CHN1: variants seen among roughly 807,000 people sequenced by gnomAD.
CHN1 encodes the protein chimerin 1.
Under a neutral mutation model 59.5 loss-of-function variants are expected in CHN1, and 37 were observed. The ratio of observed to expected loss-of-function variants is 0.62; its 90% CI spans 0.48 to 0.82. The LOEUF (loss-of-function observed/expected upper bound fraction) is 0.82. CHN1 is among the 40% of genes least tolerant of loss of function. The pLI is 0.00. For synonymous variants in CHN1, 206 were observed against 200.4 expected, an observed-to-expected ratio of 1.03 and a Z score of -0.24; for missense variants, 469 against 571.0, an observed-to-expected ratio of 0.82 and a Z score of 1.82.
intron 7 of CHN1, among the ~76,000 whole-genome samples, chr2:174,835,894 A>C (rs1686059611): frequency 6.6e-6 from 1 of 152,150 alleles, no homozygotes; most frequent in South Asian, 2.1e-4. Context: ...ATGAGTCTTC[A>C]GTGAGTTTCA....
chr2:174,846,305 A>T, intron 7 of CHN1: 1 of 1,546,340 alleles, frequency 6.5e-7, no homozygotes, highest in Non-Finnish European at 8.7e-7. Context: ...AAAACTACAC[A>T]TACGCATACA....
chr2:174,977,699 T>A (rs921811316), intron 1 of CHN1, among the ~76,000 whole-genome samples: 18 of 152,172 alleles, frequency 1.2e-4, no homozygotes, highest in African/African-American at 4.3e-4. Context: ...ATTCCTAGGA[T>A]GATGGAGTGG....
At chr2:174,959,492 G>A (rs1201546231) in intron 1 of CHN1, among the ~76,000 whole-genome samples, 1 of 152,184 alleles carries the variant, frequency 6.6e-6, no homozygotes. Flanking sequence ...TGCAGAATTA[G>A]TTGCTGAAGG....
intron 1 of CHN1, among the ~76,000 whole-genome samples, chr2:175,004,450 C>T (rs182217657): frequency 2.0e-3 from 311 of 152,218 alleles, no homozygotes; most frequent in African/African-American, 7.4e-3. Context: ...AAAAATTCCC[C>T]AATAGTCCAA....
rs148837668 is a variant in CHN1, at chr2:174,911,434, A to G, written c.260+3624T>C. 2.7e-3 allele frequency among the ~76,000 whole-genome samples: 411 copies of G among 152,248 alleles called. 4 individuals are homozygous for G. Among genetic ancestry groups the G allele is most frequent in the African/African-American group, 9.4e-3 (389 of 41,546 alleles). On this transcript the variant is annotated intron_variant, in intron 5 of 12. Coordinates refer to ENST00000409900, the MANE Select transcript of CHN1 (RefSeq NM_001822.7). The stretch of plus-strand genomic sequence containing the variant: ...CCTGGCTAGCATCTTCTTTTCAACT[A>G]CACACTCTGAACACGCAAATGTCTG...
intron 6 of CHN1, among the ~76,000 whole-genome samples, chr2:174,855,195 TA>T (rs1298768636): frequency 6.6e-6 from 1 of 152,172 alleles, no homozygotes; most frequent in Non-Finnish European, 1.5e-5. Context: ...GGACCTCATG[TA>T]ACATAAAAAG....
intron 5 of CHN1, among the ~76,000 whole-genome samples, chr2:174,884,835 C>T (rs895978094): frequency 6.6e-5 from 10 of 152,010 alleles, no homozygotes; most frequent in Admixed American, 2.0e-4. Context: ...CCTTAAGAAT[C>T]GGTTATTAGT....
chr2:174,964,048 T>A (rs2105429782), intron 1 of CHN1, among the ~76,000 whole-genome samples: 2 of 152,332 alleles, frequency 1.3e-5, no homozygotes, highest in Admixed American at 1.3e-4. Flanking sequence ...AATTTTTTCA[T>A]TTTTTTATAA....
chr2:174,825,496 C>G (rs563594119), intron 7 of CHN1, among the ~76,000 whole-genome samples: 5 of 152,010 alleles, frequency 3.3e-5, no homozygotes, highest in Non-Finnish European at 5.9e-5. Context: ...GAAAGGAATC[C>G]CCAAAGAAGA....
intron 11 of CHN1, among the ~76,000 whole-genome samples, chr2:174,804,142 A>G (rs1684814202): frequency 6.6e-6 from 1 of 152,150 alleles, no homozygotes; most frequent in Admixed American, 6.5e-5. Flanking sequence ...GGGCGTTGCA[A>G]TTTTAAGTGG....
At chr2:174,966,858 T>C (rs1337186937) in intron 1 of CHN1, among the ~76,000 whole-genome samples, 3 of 152,178 alleles carry the variant, frequency 2.0e-5, no homozygotes, top group Admixed American at 2.0e-4. Context: ...CAAGATGATG[T>C]TTAATTCCTG....
At chr2:174,969,201 C>G (rs1233441190) in intron 1 of CHN1, among the ~76,000 whole-genome samples, 1 of 152,122 alleles carries the variant, frequency 6.6e-6, no homozygotes. Flanking sequence ...TCAGAATATG[C>G]CACTCTTCTG....
chr2:174,905,131 G>C (rs1362383092), intron 5 of CHN1, among the ~76,000 whole-genome samples: 1 of 151,890 alleles, frequency 6.6e-6, no homozygotes, highest in Non-Finnish European at 1.5e-5. Flanking sequence ...AAAAAAATTT[G>C]GTGACTCCAA....
At chr2:174,805,730 A>G (rs147919474) in intron 11 of CHN1, among the ~76,000 whole-genome samples, 1 of 152,220 alleles carries the variant, frequency 6.6e-6, no homozygotes, top group East Asian at 1.9e-4. Context: ...GCTCTTCTAC[A>G]GTATGTCTAG....
chr2:174,847,102 C>A, intron 6 of CHN1, 145 bp from the exon 7 acceptor site: 1 of 1,551,510 alleles, frequency 6.4e-7, no homozygotes, highest in East Asian at 2.4e-5. Context: ...TATTAGTTTT[C>A]CTCCCTGACC....
chr2:174,945,250 A>G (rs561562947), intron 2 of CHN1: 12 of 448,292 alleles, frequency 2.7e-5, no homozygotes, highest in Non-Finnish European at 4.5e-5. Context: ...TTGTGGGGAT[A>G]TTAAAGGATG....
intron 7 of CHN1, among the ~76,000 whole-genome samples, chr2:174,840,255 A>G (rs1032850779): frequency 7.6e-6 from 1 of 131,648 alleles, no homozygotes; most frequent in African/African-American, 2.9e-5. Context: ...TGCAACCTCT[A>G]TCTCCTGGCT....
intron 1 of CHN1, among the ~76,000 whole-genome samples, chr2:174,979,427 G>A (rs1574236996): frequency 6.6e-6 from 1 of 152,130 alleles, no homozygotes; most frequent in East Asian, 1.9e-4. Context: ...CAGAATCTCA[G>A]TCCTCTATTT....
At chr2:174,835,213 T>C (rs976855339) in intron 7 of CHN1, among the ~76,000 whole-genome samples, 15 of 152,316 alleles carry the variant, frequency 9.8e-5, no homozygotes, top group African/African-American at 3.6e-4. Context: ...AGGTCAAAAA[T>C]CATAAGCTGA....
Sources: gnomAD v4.1 joint callset for allele counts (sites outside exome capture counted in the v4.1 genomes callset) on GRCh38, gnomAD v4.1.1 for gene constraint, MANE v1.5 for transcripts, NCBI Gene and HGNC (gene_info 2026-07-23, HGNC 2026-07-21) for gene names.